The following FBP1 variants were observed in gnomAD, a reference collection of about 807,000 sequenced individuals.
FBP1 encodes fructose-1,6-bisphosphatase 1.
In FBP1, 22 loss-of-function variants were observed where a neutral mutation model predicts 29.9. The observed-to-expected ratio is 0.74, with a 90% confidence interval of 0.53 to 1.05. The LOEUF (loss-of-function observed/expected upper bound fraction) is 1.05. Ranked by LOEUF, FBP1 falls within the 50% of genes least tolerant of loss-of-function variation. The probability of loss-of-function intolerance (pLI) is 0.00; values close to 1 mark genes in which losing one functional copy is unlikely to be tolerated. For missense variants in FBP1, 345 were observed against 448.2 expected (o/e 0.77, Z 2.08); for synonymous variants, 175 against 178.6 (o/e 0.98, Z 0.16).
rs1293603456 is a variant in FBP1 at position 94,606,963 on chromosome 9, A to G, written c.568-11T>C. 1 of 1,613,964 alleles carries G rather than the reference A, an allele frequency of 6.2e-7. No homozygotes were observed. The highest frequency in any genetic ancestry group is 1.1e-5 in the South Asian group (1 of 91,084). On this transcript the variant is annotated splice_polypyrimidine_tract_variant and intron_variant, in intron 4 of 6. Transcript: ENST00000375326. ...GAACTCCCCGATGGCCTTTTTAGACAAGGAAGGAAAGGTGGAGAGATGACG... is the reference window on the plus strand; with the variant it reads ...GAACTCCCCGATGGCCTTTTTAGACGAGGAAGGAAAGGTGGAGAGATGACG...
rs549290075 is a variant in FBP1, at chr9:94,616,107, C to T, written c.426+1661G>A. 1.1e-4 allele frequency among the ~76,000 whole-genome samples: 17 copies of T among 152,180 alleles called. No individual in the cohort carries two copies. The South Asian group carries it at 3.1e-3, about 28-fold the overall frequency. The stretch of plus-strand genomic sequence containing the variant: ...CCTCCCAAAGTGCTGGGATTACAGG[C>T]GTGAGCCATCTCGCTAGGCCAAGGG... On this transcript the variant is annotated intron_variant, in intron 3 of 6. Transcript: ENST00000375326.
chr9:94,610,543 C>T (rs893038875), intron 3 of FBP1, among the ~76,000 whole-genome samples: 8 of 152,324 alleles, frequency 5.3e-5, no homozygotes, highest in South Asian at 2.1e-4. Context: ...ATCACTCACA[C>T]GTCAGGGAAA....
At chr9:94,625,760 G>A (rs755954764) in intron 1 of FBP1, among the ~76,000 whole-genome samples, 3 of 152,036 alleles carry the variant, frequency 2.0e-5, no homozygotes, top group South Asian at 2.1e-4. Flanking sequence ...GCGCCCCTGC[G>A]CTCCAGCCTG....
intron 1 of FBP1, among the ~76,000 whole-genome samples, chr9:94,631,952 G>A (rs1828109829): frequency 6.6e-6 from 1 of 152,006 alleles, no homozygotes; most frequent in Non-Finnish European, 1.5e-5. Context: ...TGGTAAACAG[G>A]ATGGAACGTG....
At chr9:94,638,829 C>G (rs1443704269) in intron 1 of FBP1, among the ~76,000 whole-genome samples, 3 of 151,978 alleles carry the variant, frequency 2.0e-5, no homozygotes, top group Non-Finnish European at 2.9e-5. Flanking sequence ...CACACTTGGC[C>G]GGCTGAGAGG....
chr9:94,637,473 A>C (rs980358889), intron 1 of FBP1, among the ~76,000 whole-genome samples: 1 of 149,378 alleles, frequency 6.7e-6, no homozygotes, highest in Admixed American at 6.8e-5. Context: ...ATCTCGGCTC[A>C]CTGCAACCTC....
At chr9:94,619,868 C>T (rs1405177735) in intron 2 of FBP1, among the ~76,000 whole-genome samples, 1 of 93,124 alleles carries the variant, frequency 1.1e-5, no homozygotes, top group African/African-American at 7.6e-5. Flanking sequence ...GAGCAAAACA[C>T]TGTCTCAAAA....
chr9:94,607,891 T>C (rs1193808885), intron 4 of FBP1, among the ~76,000 whole-genome samples: 1 of 152,206 alleles, frequency 6.6e-6, no homozygotes, highest in Admixed American at 6.5e-5. Flanking sequence ...GAATTCACAG[T>C]GGCCATTGAA....
intron 1 of FBP1, among the ~76,000 whole-genome samples, chr9:94,621,648 A>T (rs1172162318): frequency 6.6e-6 from 1 of 152,134 alleles, no homozygotes; most frequent in Non-Finnish European, 1.5e-5. Flanking sequence ...TTTTAATACT[A>T]CAGATATAGT....
chr9:94,627,101 T>C (rs1828036688), intron 1 of FBP1, among the ~76,000 whole-genome samples: 1 of 151,274 alleles, frequency 6.6e-6, no homozygotes, highest in African/African-American at 2.4e-5. Context: ...GGCAGGAGAA[T>C]CGCTTGAACC....
At chr9:94,621,841 A>T (rs1827955185) in intron 1 of FBP1, among the ~76,000 whole-genome samples, 1 of 152,122 alleles carries the variant, frequency 6.6e-6, no homozygotes. Context: ...GAGCCAAGCC[A>T]AGGGGTTTAT....
intron 1 of FBP1, among the ~76,000 whole-genome samples, chr9:94,631,715 G>A (rs1344557592): frequency 3.9e-5 from 6 of 152,134 alleles, no homozygotes; most frequent in South Asian, 4.1e-4. Context: ...AACCAGACTC[G>A]GGCTCGGAAC....
At chr9:94,619,735 G>C (rs926508866) in intron 2 of FBP1, among the ~76,000 whole-genome samples, 1 of 151,966 alleles carries the variant, frequency 6.6e-6, no homozygotes, top group Non-Finnish European at 1.5e-5. Context: ...TTAGCCAGGT[G>C]TGGTGGCGGG....
intron 1 of FBP1, among the ~76,000 whole-genome samples, chr9:94,631,287 T>C (rs28402408): frequency 0.011 from 1,648 of 152,310 alleles, 32 homozygotes; most frequent in African/African-American, 0.038. Flanking sequence ...ATATCTCTTC[T>C]TTACTTTTAC....
intron 1 of FBP1, among the ~76,000 whole-genome samples, chr9:94,636,269 C>T (rs2131505732): frequency 6.6e-6 from 1 of 152,122 alleles, no homozygotes; most frequent in East Asian, 1.9e-4. Context: ...CGCTTGAGCC[C>T]AGGAATTTGA....
intron 3 of FBP1, 127 bp from the exon 4 acceptor site, chr9:94,610,188 C>A: frequency 1.1e-6 from 1 of 904,884 alleles, no homozygotes; most frequent in Non-Finnish European, 1.8e-6. Context: ...CCCAGAGGGG[C>A]CTTCCCCTAC....
chr9:94,633,744 G>A (rs974913612), intron 1 of FBP1, among the ~76,000 whole-genome samples: 2 of 151,406 alleles, frequency 1.3e-5, no homozygotes, highest in Non-Finnish European at 1.5e-5. Flanking sequence ...TCCCTATGTC[G>A]CCCAGGCTGG....
In FBP1 at chr9:94,624,823, T is replaced by G. The variant is rs1177468413; in HGVS notation, c.171-4332A>C. Among the ~76,000 whole-genome samples, 5 of 152,264 alleles carry G rather than the reference T, an allele frequency of 3.3e-5. No homozygotes were observed. In the East Asian group the frequency reaches 9.7e-4, roughly 30 times the overall value. On this transcript the variant is annotated intron_variant, in intron 1 of 6. Coordinates refer to ENST00000375326, the MANE Select transcript of FBP1 (RefSeq NM_000507.4). ...CAAATGGAAGGGAGTGGGTACTATG[T>G]GCACATTTATACAAGTAATTTTGTA...
intron 1 of FBP1, among the ~76,000 whole-genome samples, chr9:94,633,776 C>T (rs1210105662): frequency 7.2e-5 from 11 of 151,838 alleles, no homozygotes; most frequent in Admixed American, 7.2e-4. Context: ...GCGATCTCGG[C>T]TCACTGCAAG....
Sources: gnomAD v4.1 joint callset for allele counts (sites outside exome capture counted in the v4.1 genomes callset) on GRCh38, gnomAD v4.1.1 for gene constraint, MANE v1.5 for transcripts, NCBI Gene and HGNC (gene_info 2026-07-23, HGNC 2026-07-21) for gene names.